Variants in DAB1 observed in about 807,000 individuals in gnomAD.
DAB1 encodes disabled homolog 1.
Under a neutral mutation model 64.6 loss-of-function variants are expected in DAB1, and 15 were observed. The ratio of observed to expected loss-of-function variants is 0.23; its 90% CI spans 0.16 to 0.36. The LOEUF (loss-of-function observed/expected upper bound fraction) is 0.36, where lower values mean the gene tolerates loss of function less well. Among genes scored for constraint, DAB1 ranks in the 10% least tolerant of loss-of-function variants. The pLI, the probability that DAB1 is intolerant of heterozygous loss-of-function variation, is 1.00. For synonymous variants in DAB1, 235 were observed against 251.9 expected, an observed-to-expected ratio of 0.93 and a Z score of 0.64; for missense variants, 596 against 706.7, an observed-to-expected ratio of 0.84 and a Z score of 1.78.
intron 2 of DAB1, among the ~76,000 whole-genome samples, chr1:57,247,269 C>A (rs1570041313): frequency 6.6e-6 from 1 of 152,128 alleles, no homozygotes; most frequent in East Asian, 1.9e-4. Flanking sequence ...AGATTTCACC[C>A]TTGCTGTTCT....
chr1:58,081,889 G>T (rs1313277376), intron 5 of DAB1, among the ~76,000 whole-genome samples: 2 of 152,296 alleles, frequency 1.3e-5, no homozygotes, highest in South Asian at 4.1e-4. Context: ...GCTGAGGTCA[G>T]ATGCTTGCAT....
intron 7 of DAB1, among the ~76,000 whole-genome samples, chr1:57,526,655 T>C (rs1644597131): frequency 6.6e-6 from 1 of 152,210 alleles, no homozygotes; most frequent in Non-Finnish European, 1.5e-5. Flanking sequence ...GCTGACTATC[T>C]ACTATTGGAT....
At chr1:58,048,555 AC>A (rs915553828) in intron 5 of DAB1, 1 of 1,062,180 alleles carries the variant, frequency 9.4e-7, no homozygotes, top group African/African-American at 1.6e-5. Flanking sequence ...TAATTGCCAA[AC>A]CCATTATAAC....
chr1:57,823,327 T>G (rs112489259), downstream of DAB1, among the ~76,000 whole-genome samples: 3 of 152,178 alleles, frequency 2.0e-5, no homozygotes, highest in African/African-American at 7.2e-5. Flanking sequence ...AACCATATTT[T>G]AATCAAGTGG....
intron 1 of DAB1, among the ~76,000 whole-genome samples, chr1:57,368,082 C>T (rs1342640825): frequency 6.6e-6 from 1 of 152,338 alleles, no homozygotes; most frequent in East Asian, 1.9e-4. Flanking sequence ...TGAGCCTGGG[C>T]ACTGTCACAG....
chr1:57,403,574 C>CA (rs1683411605), intron 1 of DAB1, among the ~76,000 whole-genome samples: 1 of 152,172 alleles, frequency 6.6e-6, no homozygotes, highest in African/African-American at 2.4e-5. Context: ...AACATGGTAG[C>CA]AGGCATGGGA....
In DAB1 at chr1:58,057,127, C is replaced by T. The variant is rs376342551; in HGVS notation, n.387+93384G>A. On this transcript the variant is annotated intron_variant and non_coding_transcript_variant, in intron 5 of 20. Coordinates refer to the DAB1 transcript ENST00000485760. The stretch of plus-strand genomic sequence containing the variant: ...TCACTCAACCTGATTCTCCCTCTTT[C>T]AAAGGGATTGTGCATATTACATGTG... 1.7e-3 allele frequency among the ~76,000 whole-genome samples: 263 copies of T among 152,222 alleles called. 7 individuals carry two copies. The South Asian group carries it at 0.053, about 31-fold the overall frequency.
At chr1:57,535,495 G>C (rs1644716050) in intron 7 of DAB1, among the ~76,000 whole-genome samples, 1 of 117,850 alleles carries the variant, frequency 8.5e-6, no homozygotes, top group Admixed American at 1.1e-4. Flanking sequence ...TTTGGAGACT[G>C]TGTCTTGCTC....
chr1:57,541,407 G>A (rs1259504660), intron 7 of DAB1, among the ~76,000 whole-genome samples: 1 of 152,132 alleles, frequency 6.6e-6, no homozygotes, highest in Non-Finnish European at 1.5e-5. Context: ...GGGATTATAG[G>A]CGTGAGCCAC....
chr1:58,536,760 T>C (rs1382929508), intron 1 of DAB1: 2 of 864,086 alleles, frequency 2.3e-6, no homozygotes, highest in African/African-American at 3.3e-5. Context: ...AAAAGAAAAA[T>C]TCAAAGTTCT....
At chr1:58,470,110 CTTTCTCTTTATTTATTTA>C (rs965148685) in intron 3 of DAB1, among the ~76,000 whole-genome samples, 3 of 149,844 alleles carry the variant, frequency 2.0e-5, no homozygotes, top group African/African-American at 4.9e-5. Context: ...AAAGCTGGGA[CTTTCTCTTTATTTATTTA>C]TTTATTTATT....
In DAB1 at chr1:58,377,677, A is replaced by G. The variant is rs1292041002; in HGVS notation, n.258-34274T>C. 2.6e-4 allele frequency among the ~76,000 whole-genome samples: 37 copies of G among 139,894 alleles called. 1 individual carries two copies. Among genetic ancestry groups the G allele is most frequent in the African/African-American group, 1.0e-3 (37 of 36,820 alleles). The allele number at this position is 139,894 out of a possible 152,430, so 91.8% of individuals were successfully genotyped here. A position where few individuals can be genotyped will look rare whatever the true frequency, so the allele number is the denominator to read the frequency against. ...TGTGTCTTGGAGTTGCTCTTCTCGA[A>G]GAGTATCTTTGTGGTGTTCTCTGTA... On this transcript the variant is annotated intron_variant and non_coding_transcript_variant, in intron 3 of 20. Coordinates refer to the DAB1 transcript ENST00000485760.
intron 7 of DAB1, among the ~76,000 whole-genome samples, chr1:57,451,089 A>C (rs17115795): frequency 0.078 from 11,904 of 152,256 alleles, 570 homozygotes; most frequent in South Asian, 0.19. Flanking sequence ...TCCTGCCAGC[A>C]TTCCTTACAG....
At chr1:57,163,829 T>C (rs1195493147) in intron 2 of DAB1, among the ~76,000 whole-genome samples, 1 of 152,118 alleles carries the variant, frequency 6.6e-6, no homozygotes, top group Non-Finnish European at 1.5e-5. Context: ...TTGAGCACCT[T>C]AGTGGAAGGC....
chr1:57,395,518 T>C (rs1188609076), intron 1 of DAB1, among the ~76,000 whole-genome samples: 1 of 152,188 alleles, frequency 6.6e-6, no homozygotes, highest in African/African-American at 2.4e-5. Context: ...TTGTTTTACC[T>C]ATGACACCCT....
chr1:57,026,119 G>A (rs2100394719), intron 9 of DAB1, 76 bp from the exon 10 acceptor site: 4 of 1,040,918 alleles, frequency 3.8e-6, no homozygotes, highest in Non-Finnish European at 4.4e-6. Flanking sequence ...ACACAGTATG[G>A]TATGGGGATA....
At chr1:57,693,837 C>A (rs552827102) in intron 6 of DAB1, among the ~76,000 whole-genome samples, 2 of 152,082 alleles carry the variant, frequency 1.3e-5, no homozygotes, top group Non-Finnish European at 2.9e-5. Context: ...CCCAAAGGTC[C>A]GCAGCTTCAT....
intron 5 of DAB1, among the ~76,000 whole-genome samples, chr1:57,973,982 A>T (rs1645859769): frequency 6.6e-6 from 1 of 152,138 alleles, no homozygotes; most frequent in South Asian, 2.1e-4. Flanking sequence ...ACCATTTCAT[A>T]AAACACCCAG....
chr1:57,908,261 A>T (rs1434093131), intron 5 of DAB1, among the ~76,000 whole-genome samples: 3 of 151,940 alleles, frequency 2.0e-5, no homozygotes, highest in Non-Finnish European at 1.5e-5. Context: ...GGAGACCTCC[A>T]CCCTCCTGCC....
Sources: allele counts gnomAD v4.1 joint callset (sites outside exome capture counted in the v4.1 genomes callset), GRCh38; gene constraint gnomAD v4.1.1; transcripts MANE v1.5; gene names NCBI Gene and HGNC (gene_info 2026-07-23, HGNC 2026-07-21).